Variants in MCTP1 observed in about 807,000 individuals in gnomAD.
MCTP1 encodes the protein multiple C2 and transmembrane domain-containing protein 1.
Under a neutral mutation model 120.6 loss-of-function variants are expected in MCTP1, and 69 were observed. That is an observed-to-expected ratio of 0.57 (90% CI 0.47 to 0.70). The LOEUF (loss-of-function observed/expected upper bound fraction) is 0.70. Ranked by LOEUF, MCTP1 falls within the 30% of genes least tolerant of loss-of-function variation. The pLI is 0.00. For synonymous variants in MCTP1, 529 were observed against 493.1 expected, an observed-to-expected ratio of 1.07 and a Z score of -0.96; for missense variants, 1,203 against 1,248.8, an observed-to-expected ratio of 0.96 and a Z score of 0.55.
intron 1 of MCTP1, among the ~76,000 whole-genome samples, chr5:95,088,959 G>T (rs559698649): frequency 6.6e-6 from 1 of 152,186 alleles, no homozygotes; most frequent in Admixed American, 6.5e-5. Context: ...AGTTGATAAA[G>T]ATTCCAATTT....
intron 1 of MCTP1, among the ~76,000 whole-genome samples, chr5:95,078,579 G>C (rs1046413885): frequency 2.6e-5 from 4 of 152,068 alleles, no homozygotes; most frequent in African/African-American, 9.7e-5. Flanking sequence ...TAAGAATGTT[G>C]CAGTCATTAA....
At chr5:94,725,747 G>C (rs1430550161) in intron 19 of MCTP1, among the ~76,000 whole-genome samples, 1 of 152,062 alleles carries the variant, frequency 6.6e-6, no homozygotes, top group Admixed American at 6.6e-5. Flanking sequence ...AGGTGATTTT[G>C]AGCAATTTAT....
At chr5:95,123,651 C>CTT (rs67736041) in intron 1 of MCTP1, among the ~76,000 whole-genome samples, 4 of 145,452 alleles carry the variant, frequency 2.8e-5, no homozygotes, top group African/African-American at 1.0e-4. Context: ...ACAAGCTCTG[C>CTT]TTTTTTTTTT....
chr5:94,759,182 CA>C (rs1770687440), intron 19 of MCTP1, among the ~76,000 whole-genome samples: 1 of 152,180 alleles, frequency 6.6e-6, no homozygotes, highest in African/African-American at 2.4e-5. Flanking sequence ...TCTCTACAGA[CA>C]AGGCATATCT....
intron 17 of MCTP1, among the ~76,000 whole-genome samples, chr5:94,802,346 T>C (rs771356932): frequency 2.0e-5 from 3 of 152,242 alleles, no homozygotes; most frequent in Non-Finnish European, 4.4e-5. Flanking sequence ...ATATATGTTA[T>C]GAAATATTAG....
intron 1 of MCTP1, among the ~76,000 whole-genome samples, chr5:95,166,603 C>T (rs573110404): frequency 2.2e-5 from 3 of 138,748 alleles, no homozygotes; most frequent in East Asian, 2.2e-4. Flanking sequence ...GAGTCTCACT[C>T]GTCACCCAGG....
At chr5:95,136,722 A>C (rs1305457192) in intron 1 of MCTP1, among the ~76,000 whole-genome samples, 2 of 152,232 alleles carry the variant, frequency 1.3e-5, no homozygotes, top group Admixed American at 6.5e-5. Flanking sequence ...CGGATGAAGA[A>C]ACTGAGACAA....
intron 1 of MCTP1, among the ~76,000 whole-genome samples, chr5:95,064,708 A>G (rs1750137923): frequency 6.6e-6 from 1 of 152,236 alleles, no homozygotes; most frequent in African/African-American, 2.4e-5. Context: ...GTGTACCAGT[A>G]TAACATGTAA....
chr5:95,167,390 G>A (rs1263891927), intron 1 of MCTP1, among the ~76,000 whole-genome samples: 1 of 152,188 alleles, frequency 6.6e-6, no homozygotes, highest in African/African-American at 2.4e-5. Context: ...TGTCTTTATA[G>A]CAGTATGATT....
chr5:95,012,309 C>A (rs1836161372), intron 2 of MCTP1, among the ~76,000 whole-genome samples: 1 of 152,116 alleles, frequency 6.6e-6, no homozygotes, highest in South Asian at 2.1e-4. Context: ...AATATATTTA[C>A]TAATTTGCTT....
At chr5:94,787,015 G>T (rs917170442) in intron 18 of MCTP1, among the ~76,000 whole-genome samples, 3 of 152,120 alleles carry the variant, frequency 2.0e-5, no homozygotes, top group African/African-American at 7.2e-5. Context: ...CTCCAGGCCT[G>T]GTATGCTGGT....
At chr5:94,908,537 AAAATT>A (rs1407555382) in intron 10 of MCTP1, among the ~76,000 whole-genome samples, 1 of 152,024 alleles carries the variant, frequency 6.6e-6, no homozygotes, top group East Asian at 1.9e-4. Flanking sequence ...TTTAATTTAA[AAAATT>A]AACAAATTCT....
At chr5:95,079,865 G>A (rs970129191) in intron 1 of MCTP1, among the ~76,000 whole-genome samples, 3 of 152,064 alleles carry the variant, frequency 2.0e-5, no homozygotes, top group Admixed American at 6.5e-5. Flanking sequence ...GTTTTAAAGC[G>A]AAGTTTTGTT....
At chr5:95,184,286 A>T (rs1448653296) in intron 1 of MCTP1, among the ~76,000 whole-genome samples, 1 of 152,242 alleles carries the variant, frequency 6.6e-6, no homozygotes. Context: ...AGGATTACAC[A>T]TCCAAATAAC....
At chr5:95,210,055 G>T (rs1211164762) in intron 1 of MCTP1, among the ~76,000 whole-genome samples, 2 of 152,122 alleles carry the variant, frequency 1.3e-5, no homozygotes, top group Non-Finnish European at 2.9e-5. Context: ...TATAATTTCT[G>T]TTCTTTTACA....
At chr5:94,764,274 A>C (rs1363116601) in intron 19 of MCTP1, among the ~76,000 whole-genome samples, 2 of 152,238 alleles carry the variant, frequency 1.3e-5, no homozygotes, top group African/African-American at 4.8e-5. Context: ...AAAGGTAAAA[A>C]GGCAGGTGAC....
Position 95,283,869 on chromosome 5 carries a change from T to A in MCTP1, c.707A>T (p.His236Leu). Residue 236 changes from histidine to leucine, a missense_variant, in exon 1 of 23, where the codon CAC (histidine) becomes CTC (leucine). Physicochemically the swap from His to Leu is moderately conservative, Grantham distance 99. Coordinates refer to ENST00000515393, the MANE Select transcript of MCTP1 (RefSeq NM_024717.7). The part of the protein sequence containing the change: ...ESRAPETGEE[H>L]GSSQKIINTA... The stretch of plus-strand genomic sequence containing the variant: ...ACCGGCACTCACCTGGCTGCTGCCG[T>A]GCTCCTCGCCCGTCTCCGGGGCCCG... 1 of 1,373,762 alleles carries A rather than the reference T, an allele frequency of 7.3e-7. No homozygotes were observed. Among genetic ancestry groups the A allele is most frequent in the Non-Finnish European group, 9.3e-7 (1 of 1,072,474 alleles). 85.1% of individuals were successfully genotyped at this position (1,373,762 alleles called of 1,614,324 possible).
At chr5:94,747,488 T>C (rs1283105417) in intron 19 of MCTP1, among the ~76,000 whole-genome samples, 1 of 152,178 alleles carries the variant, frequency 6.6e-6, no homozygotes, top group Non-Finnish European at 1.5e-5. Context: ...CCACATAATC[T>C]GTGTTGCCGC....
intron 12 of MCTP1, among the ~76,000 whole-genome samples, chr5:94,878,826 C>T (rs188628868): frequency 3.3e-5 from 5 of 149,492 alleles, no homozygotes; most frequent in East Asian, 3.9e-4. Flanking sequence ...GAGAGTGCTA[C>T]GTGTTAATTA....
Sources: allele counts gnomAD v4.1 joint callset (sites outside exome capture counted in the v4.1 genomes callset), GRCh38; gene constraint gnomAD v4.1.1; transcripts MANE v1.5; gene names NCBI Gene and HGNC (gene_info 2026-07-23, HGNC 2026-07-21).